The following KCNC2 variants were observed in gnomAD, a reference collection of about 807,000 sequenced individuals.
KCNC2 encodes the protein potassium voltage-gated channel subfamily C member 2, also known as voltage-gated potassium channel KCNC2.
In KCNC2, 21 loss-of-function variants were observed where a neutral mutation model predicts 44.5. The observed-to-expected ratio is 0.47, with a 90% CI of 0.33 to 0.68. KCNC2 has a LOEUF of 0.68. Ranked by LOEUF, KCNC2 falls within the 30% of genes least tolerant of loss-of-function variation. The probability of loss-of-function intolerance (pLI) is 0.01; values close to 1 mark genes in which losing one functional copy is unlikely to be tolerated. For missense variants in KCNC2, 589 were observed against 826.2 expected (o/e 0.71, Z 3.52); for synonymous variants, 391 against 339.1 (o/e 1.15, Z -1.68).
rs533510780 is a variant in KCNC2 at position 75,068,104 on chromosome 12, T to G, written c.688-16787A>C. The stretch of plus-strand genomic sequence containing the variant: ...AATCTGGGGAAAAGCTTGACAAATA[T>G]GCACATCTGGAGGGATAGACCCAGA... On this transcript the variant is annotated intron_variant, in intron 2 of 4. Coordinates refer to ENST00000549446, the MANE Select transcript of KCNC2 (RefSeq NM_139137.4). Among the ~76,000 whole-genome samples the G allele has an allele frequency of 6.6e-5, 10 of 152,252 alleles. No homozygotes were observed. In the South Asian group the frequency reaches 1.7e-3, roughly 25 times the overall value.
intron 2 of KCNC2, among the ~76,000 whole-genome samples, chr12:75,106,276 A>G (rs1234115688): frequency 1.3e-5 from 2 of 152,208 alleles, no homozygotes; most frequent in Admixed American, 6.5e-5. Context: ...GGTGGGTTCA[A>G]GTAAGACTTG....
intron 2 of KCNC2, among the ~76,000 whole-genome samples, chr12:75,174,246 T>C (rs1355373076): frequency 6.6e-6 from 1 of 151,824 alleles, no homozygotes. Flanking sequence ...TTTAAGTTTG[T>C]TATTTTTTTA....
rs145274976 is a variant in KCNC2, at chr12:75,170,055, A to G, written c.687+37242T>C. Among the ~76,000 whole-genome samples the G allele has an allele frequency of 3.3e-3, 495 of 151,830 alleles. 3 individuals carry two copies. Among genetic ancestry groups the G allele is most frequent in the Non-Finnish European group, 5.3e-3 (358 of 67,782 alleles). ...TAATCTATGACTAAGTAAAAGAAAA[A>G]CAAGTTCCAGACCATTTCAATGTTT... On this transcript the variant is annotated intron_variant, in intron 2 of 4. Coordinates refer to ENST00000549446, the MANE Select transcript of KCNC2 (RefSeq NM_139137.4).
chr12:75,107,044 C>T (rs1886843103), intron 2 of KCNC2, among the ~76,000 whole-genome samples: 1 of 151,846 alleles, frequency 6.6e-6, no homozygotes, highest in Non-Finnish European at 1.5e-5. Context: ...GTGGCTCACG[C>T]CTGTAATCCC....
chr12:75,096,222 C>T (rs555439262), intron 2 of KCNC2, among the ~76,000 whole-genome samples: 9 of 152,108 alleles, frequency 5.9e-5, no homozygotes, highest in Non-Finnish European at 8.8e-5. Flanking sequence ...CCAATTCAAT[C>T]TCCCCACAAC....
chr12:75,046,860 T>G (rs768551855), intron 4 of KCNC2, among the ~76,000 whole-genome samples: 3 of 151,946 alleles, frequency 2.0e-5, no homozygotes, highest in Non-Finnish European at 4.4e-5. Context: ...GTCTTCTCTT[T>G]TAAGTCTCAA....
chr12:75,168,052 C>T (rs1246295476), intron 2 of KCNC2, among the ~76,000 whole-genome samples: 1 of 151,262 alleles, frequency 6.6e-6, no homozygotes, highest in African/African-American at 2.4e-5. Context: ...TTTGGAATTG[C>T]TATCTTTAAA....
At chr12:75,204,089 C>T (rs536041095) in intron 2 of KCNC2, among the ~76,000 whole-genome samples, 1 of 151,978 alleles carries the variant, frequency 6.6e-6, no homozygotes, top group East Asian at 1.9e-4. Flanking sequence ...AAAATAAACT[C>T]TCATTTTTTT....
At chr12:75,131,732 G>A (rs1418598052) in intron 2 of KCNC2, among the ~76,000 whole-genome samples, 1 of 152,120 alleles carries the variant, frequency 6.6e-6, no homozygotes. Context: ...CCCTCTGACA[G>A]CTAGTAAGGA....
chr12:75,120,256 A>G (rs1887960368), intron 2 of KCNC2, among the ~76,000 whole-genome samples: 1 of 152,182 alleles, frequency 6.6e-6, no homozygotes, highest in Non-Finnish European at 1.5e-5. Context: ...TGTCTTGTCA[A>G]TATTCACAAC....
At chr12:75,129,446 C>G (rs962676432) in intron 2 of KCNC2, among the ~76,000 whole-genome samples, 1 of 152,114 alleles carries the variant, frequency 6.6e-6, no homozygotes, top group African/African-American at 2.4e-5. Flanking sequence ...ACACATTGTG[C>G]TTTCATTGGT....
intron 2 of KCNC2, among the ~76,000 whole-genome samples, chr12:75,144,568 A>T (rs924924110): frequency 6.6e-6 from 1 of 152,102 alleles, no homozygotes; most frequent in African/African-American, 2.4e-5. Flanking sequence ...AACCATAGGA[A>T]GACTGTCTGT....
intron 2 of KCNC2, among the ~76,000 whole-genome samples, chr12:75,062,499 G>A (rs1882445436): frequency 6.6e-6 from 1 of 151,882 alleles, no homozygotes; most frequent in African/African-American, 2.4e-5. Flanking sequence ...TCTACACAAG[G>A]AAAGAGAAAT....
intron 2 of KCNC2, among the ~76,000 whole-genome samples, chr12:75,169,273 C>CAA (rs1891658374): frequency 1.3e-5 from 2 of 151,360 alleles, no homozygotes; most frequent in African/African-American, 4.8e-5. Flanking sequence ...GAGCATTGAA[C>CAA]AAAAACATTT....
intron 2 of KCNC2, among the ~76,000 whole-genome samples, chr12:75,196,517 G>T (rs2137748794): frequency 6.6e-6 from 1 of 152,162 alleles, no homozygotes; most frequent in Non-Finnish European, 1.5e-5. Context: ...GACATTTCTA[G>T]AACCAGGTCT....
chr12:75,119,675 G>C (rs968236553), intron 2 of KCNC2, among the ~76,000 whole-genome samples: 1 of 152,118 alleles, frequency 6.6e-6, no homozygotes, highest in Admixed American at 6.5e-5. Context: ...GACTGCATAG[G>C]CTTTGAGGTT....
rs189235836 is a variant in KCNC2 at position 75,118,285 on chromosome 12, C to A, written c.688-66968G>T. Among the ~76,000 whole-genome samples the A allele has an allele frequency of 9.3e-4, 142 of 152,084 alleles. 1 individual carries two copies. The Middle Eastern group carries it at 0.02, about 22-fold the overall frequency. On this transcript the variant is annotated intron_variant, in intron 2 of 4. Coordinates refer to ENST00000549446, the MANE Select transcript of KCNC2 (RefSeq NM_139137.4). Reference sequence around the variant, plus strand: ...CAGACTTCAAGGGTACAGCTGAGAACAATACATGCACGATACTACAGAATA... The same window carrying A: ...CAGACTTCAAGGGTACAGCTGAGAAAAATACATGCACGATACTACAGAATA...
chr12:75,115,927 C>G (rs1488575941), intron 2 of KCNC2, among the ~76,000 whole-genome samples: 1 of 152,102 alleles, frequency 6.6e-6, no homozygotes, highest in Non-Finnish European at 1.5e-5. Context: ...TTAAACTACT[C>G]AAGGAAATTA....
rs1005772290 is a variant in KCNC2 at position 75,207,200 on chromosome 12, C to T, written c.687+97G>A. 65 of 1,476,756 alleles carry T rather than the reference C, an allele frequency of 4.4e-5. No homozygotes were observed. The East Asian group carries it at 1.6e-3, about 36-fold the overall frequency. 91.5% of individuals were successfully genotyped at this position (1,476,756 alleles called of 1,614,324 possible). On this transcript the variant is annotated intron_variant, in intron 2 of 4. Transcript: ENST00000549446. This position sits in a 1 kb window ranked among gnomAD's most constrained non-coding sequence, Gnocchi z 4.1. ...TAGGAAATCCCGGGTCTCTTCTACC[C>T]CCCATGCCTGAGGCCCTGGGGTGGA...
Sources: allele counts gnomAD v4.1 joint callset (sites outside exome capture counted in the v4.1 genomes callset), GRCh38; gene constraint gnomAD v4.1.1; non-coding constraint Gnocchi (gnomAD v3.1); transcripts MANE v1.5; gene names NCBI Gene and HGNC (gene_info 2026-07-23, HGNC 2026-07-21).